Variants in GRID1 observed in about 807,000 individuals in gnomAD.
GRID1 encodes glutamate ionotropic receptor delta type subunit 1.
A neutral mutation model predicts 98.0 loss-of-function variants in GRID1; 28 were observed. The observed-to-expected ratio is 0.29, with a 90% CI of 0.21 to 0.39. GRID1 has a LOEUF of 0.39. Ranked by LOEUF, GRID1 falls within the 10% of genes least tolerant of loss-of-function variation. GRID1 has a pLI of 1.00. For synonymous variants in GRID1, 553 were observed against 538.5 expected, an observed-to-expected ratio of 1.03 and a Z score of -0.37; for missense variants, 1,111 against 1,340.5, an observed-to-expected ratio of 0.83 and a Z score of 2.67.
At chr10:86,130,251 C>T (rs1045248190) in intron 4 of GRID1, among the ~76,000 whole-genome samples, 28 of 152,348 alleles carry the variant, frequency 1.8e-4, no homozygotes, top group African/African-American at 6.5e-4. Flanking sequence ...GGACTGGCAG[C>T]TCAAGCACAG....
chr10:86,220,071 A>T (rs1054496554), intron 2 of GRID1, among the ~76,000 whole-genome samples: 1 of 152,238 alleles, frequency 6.6e-6, no homozygotes, highest in Non-Finnish European at 1.5e-5. Flanking sequence ...AGATGTGAAA[A>T]TATAGCCACT....
intron 4 of GRID1, among the ~76,000 whole-genome samples, chr10:85,990,922 T>C (rs1842672287): frequency 6.6e-6 from 1 of 152,150 alleles, no homozygotes; most frequent in Admixed American, 6.5e-5. Flanking sequence ...AACTTTAAGG[T>C]CACTTTTAAT....
chr10:86,073,826 C>T (rs1434068934), intron 4 of GRID1, among the ~76,000 whole-genome samples: 1 of 152,222 alleles, frequency 6.6e-6, no homozygotes, highest in Non-Finnish European at 1.5e-5. Flanking sequence ...CCCTGCCTGG[C>T]TGACAGGACT....
chr10:85,840,146 A>T (rs961504069), intron 8 of GRID1, among the ~76,000 whole-genome samples: 2 of 152,046 alleles, frequency 1.3e-5, no homozygotes, highest in Non-Finnish European at 2.9e-5. Flanking sequence ...AAGACCAGAG[A>T]GATTCACAGC....
intron 13 of GRID1, among the ~76,000 whole-genome samples, chr10:85,639,637 GC>G (rs1843090960): frequency 6.6e-6 from 1 of 152,162 alleles, no homozygotes; most frequent in Non-Finnish European, 1.5e-5. Flanking sequence ...ACTTTGGGAG[GC>G]CGAGGCAGGC....
intron 2 of GRID1, among the ~76,000 whole-genome samples, chr10:86,350,489 C>G (rs932901557): frequency 3.3e-5 from 5 of 152,128 alleles, no homozygotes; most frequent in African/African-American, 1.2e-4. Context: ...AGGCCCAGCA[C>G]ATACAAGGAG....
At chr10:85,969,343 T>G (rs963552537) in intron 4 of GRID1, among the ~76,000 whole-genome samples, 1 of 152,094 alleles carries the variant, frequency 6.6e-6, no homozygotes, top group African/African-American at 2.4e-5. Context: ...CCAACTAGAT[T>G]TAACAGATAT....
At chr10:85,987,035 C>T (rs1225755055) in intron 4 of GRID1, among the ~76,000 whole-genome samples, 1 of 151,888 alleles carries the variant, frequency 6.6e-6, no homozygotes, top group Non-Finnish European at 1.5e-5. Flanking sequence ...CCACCCTAAC[C>T]AGCTCCTCCC....
At chr10:85,877,775 G>T (rs1210157223) in intron 5 of GRID1, among the ~76,000 whole-genome samples, 1 of 152,214 alleles carries the variant, frequency 6.6e-6, no homozygotes, top group Non-Finnish European at 1.5e-5. Flanking sequence ...AACGGAGAAT[G>T]ACCTTGACGA....
intron 5 of GRID1, among the ~76,000 whole-genome samples, chr10:85,900,357 C>T (rs994376901): frequency 6.6e-6 from 1 of 152,186 alleles, no homozygotes; most frequent in Non-Finnish European, 1.5e-5. Flanking sequence ...CTTTCTGGCA[C>T]AAGCAGCAAG....
chr10:85,783,528 T>C (rs1292762082), intron 8 of GRID1, among the ~76,000 whole-genome samples: 1 of 152,170 alleles, frequency 6.6e-6, no homozygotes, highest in African/African-American at 2.4e-5. Flanking sequence ...CCACTGAATA[T>C]AGCTCTTGTG....
intron 5 of GRID1, among the ~76,000 whole-genome samples, chr10:85,879,932 A>C (rs1418862933): frequency 6.6e-6 from 1 of 152,180 alleles, no homozygotes; most frequent in Non-Finnish European, 1.5e-5. Context: ...AAAAATGATA[A>C]AGGGTATATC....
chr10:86,100,348 C>A (rs1297661476), intron 4 of GRID1, among the ~76,000 whole-genome samples: 2 of 152,014 alleles, frequency 1.3e-5, no homozygotes, highest in African/African-American at 4.8e-5. Flanking sequence ...TAGCATAACC[C>A]TATTCAATCA....
chr10:86,181,701 A>C (rs1845657956), intron 3 of GRID1, among the ~76,000 whole-genome samples: 1 of 152,204 alleles, frequency 6.6e-6, no homozygotes, highest in Admixed American at 6.5e-5. Context: ...TAACTATTTC[A>C]AGGAGCTTAT....
intron 2 of GRID1, among the ~76,000 whole-genome samples, chr10:86,279,754 A>G (rs1847330007): frequency 2.6e-5 from 4 of 152,362 alleles, no homozygotes; most frequent in Admixed American, 2.6e-4. Flanking sequence ...CCATTGCAAT[A>G]AAGTAAGAAA....
Position 85,630,385 on chromosome 10 carries a change from C to T in GRID1, c.2194-10352G>A, listed in dbSNP as rs984903196. ...GAAAGTGCCTGGTGCATTGAAGAAA[C>T]GCAGACAACAACACGTTATTCTCAT... On this transcript the variant is annotated intron_variant, in intron 13 of 15. Transcript: ENST00000327946. Among the ~76,000 whole-genome samples, 19 of 152,186 alleles carry T rather than the reference C, an allele frequency of 1.2e-4. 1 individual carries two copies. The highest frequency in any genetic ancestry group is 2.1e-4 in the South Asian group (1 of 4,830).
intron 8 of GRID1, among the ~76,000 whole-genome samples, chr10:85,788,020 C>G (rs901374634): frequency 8.6e-5 from 13 of 150,374 alleles, no homozygotes; most frequent in Admixed American, 6.6e-4. Flanking sequence ...GATCTGCTAA[C>G]TCATCGGTCA....
chr10:85,662,355 A>G (rs2132571562), intron 12 of GRID1, among the ~76,000 whole-genome samples: 1 of 152,310 alleles, frequency 6.6e-6, no homozygotes, highest in East Asian at 1.9e-4. Context: ...CAAAAGGACC[A>G]GAGGGTGCTT....
intron 8 of GRID1, among the ~76,000 whole-genome samples, chr10:85,799,384 A>C (rs1192600064): frequency 1.3e-5 from 2 of 152,118 alleles, no homozygotes; most frequent in Admixed American, 1.3e-4. Flanking sequence ...AAAAATGATT[A>C]TGTTGAAGGA....
Sources: gnomAD v4.1 joint callset for allele counts (sites outside exome capture counted in the v4.1 genomes callset) on GRCh38, gnomAD v4.1.1 for gene constraint, MANE v1.5 for transcripts, NCBI Gene and HGNC (gene_info 2026-07-23, HGNC 2026-07-21) for gene names.